Variants in GFRA2 observed in about 807,000 individuals in gnomAD.
GFRA2 encodes GDNF family receptor alpha 2.
In GFRA2, 17 loss-of-function variants were observed where a neutral mutation model predicts 48.3. The observed-to-expected ratio is 0.35, with a 90% CI of 0.24 to 0.53. GFRA2 has a LOEUF of 0.53. Ranked by LOEUF, GFRA2 falls within the 20% of genes least tolerant of loss-of-function variation. The probability of loss-of-function intolerance (pLI) is 0.93; values close to 1 mark genes in which losing one functional copy is unlikely to be tolerated. For synonymous variants in GFRA2, 305 were observed against 257.2 expected (o/e 1.19, Z -1.78); for missense variants, 660 against 637.3 (o/e 1.04, Z -0.38).
chr8:21,754,988 T>A (rs978706388), intron 3 of GFRA2, among the ~76,000 whole-genome samples: 3 of 152,076 alleles, frequency 2.0e-5, no homozygotes, highest in African/African-American at 7.2e-5. Flanking sequence ...TCACACCCTA[T>A]GATTGTAAAG....
At chr8:21,713,645 G>A (rs1013945031) in intron 4 of GFRA2, among the ~76,000 whole-genome samples, 7 of 152,046 alleles carry the variant, frequency 4.6e-5, no homozygotes, top group African/African-American at 7.2e-5. Flanking sequence ...CTCAAAGTGT[G>A]GTCCGCAGAC....
At chr8:21,735,231 G>A (rs770405439) in intron 4 of GFRA2, among the ~76,000 whole-genome samples, 2 of 152,140 alleles carry the variant, frequency 1.3e-5, no homozygotes, top group South Asian at 4.1e-4. Flanking sequence ...GGTTCACAAA[G>A]GTGAAGTCTT....
upstream of GFRA2, chr8:21,790,198 G>A (rs4872208): frequency 0.15 from 91,595 of 621,590 alleles, 7,322 homozygotes; most frequent in South Asian, 0.23. Flanking sequence ...AGAGGCGCGG[G>A]GTCGCGGTCG....
At chr8:21,795,144 T>C (rs966378193) in intron 2 of GFRA2, among the ~76,000 whole-genome samples, 12 of 152,064 alleles carry the variant, frequency 7.9e-5, no homozygotes, top group Admixed American at 7.9e-4. Flanking sequence ...GCAGCTCCCA[T>C]GGGGGTTGGA....
At chr8:21,759,360 T>C (rs1487700059) in intron 3 of GFRA2, among the ~76,000 whole-genome samples, 1 of 145,456 alleles carries the variant, frequency 6.9e-6, no homozygotes, top group Non-Finnish European at 1.5e-5. Context: ...CACTCCAACC[T>C]GGGCGACAGA....
chr8:21,788,846 C>T lies in GFRA2; in HGVS notation c.-687G>A, dbSNP rs1807420667. The T allele has an allele frequency of 2.1e-6, 2 of 967,458 alleles. No individual in the cohort carries two copies. Among genetic ancestry groups the T allele is most frequent in the Admixed American group, 1.2e-4 (2 of 16,254 alleles). 59.9% of individuals were successfully genotyped at this position (967,458 alleles called of 1,614,324 possible). A position where few individuals can be genotyped will look rare whatever the true frequency, so the allele number is the denominator to read the frequency against. On this transcript the variant is annotated 5_prime_UTR_variant, in exon 1 of 9. Coordinates refer to ENST00000524240, the MANE Select transcript of GFRA2 (RefSeq NM_001495.5). Reference sequence around the variant, plus strand: ...CTCTCTCTCTCTCCTCTCCCTCGCTCGCTCTTTGCTCTCGCTCTCTCCAGC... The same window carrying T: ...CTCTCTCTCTCTCCTCTCCCTCGCTTGCTCTTTGCTCTCGCTCTCTCCAGC...
In GFRA2 at chr8:21,715,893, A is replaced by G. The variant is rs142782421; in HGVS notation, c.795-9852T>C. ...AAGAAAAGCAAGGGAGAGAGAGAGA[A>G]CGAGAGAGAGAGAGACCAAGACCTA... On this transcript the variant is annotated intron_variant, in intron 4 of 8. Coordinates refer to ENST00000524240, the MANE Select transcript of GFRA2 (RefSeq NM_001495.5). Among the ~76,000 whole-genome samples the G allele has an allele frequency of 1.8e-3, 278 of 152,234 alleles. 2 individuals are homozygous for G. The highest frequency in any genetic ancestry group is 0.014 in the Middle Eastern group (4 of 294).
chr8:21,783,924 C>G (rs1044871088), intron 1 of GFRA2, among the ~76,000 whole-genome samples: 7 of 152,066 alleles, frequency 4.6e-5, no homozygotes, highest in Non-Finnish European at 8.8e-5. Flanking sequence ...CAGCTCCTCT[C>G]TTTCTTTCCT....
At chr8:21,757,975 T>C (rs1432819876) in intron 3 of GFRA2, among the ~76,000 whole-genome samples, 1 of 152,154 alleles carries the variant, frequency 6.6e-6, no homozygotes, top group African/African-American at 2.4e-5. Flanking sequence ...CGGCCCCATC[T>C]CCCATTCTAG....
intron 2 of GFRA2, 75 bp from the exon 3 acceptor site, chr8:21,775,130 A>AGGAAAGCTCTCTACCAGG (rs1585328154): frequency 1.3e-6 from 1 of 768,772 alleles, no homozygotes; most frequent in Admixed American, 1.8e-5. Flanking sequence ...AATCTGCCGG[A>AGGAAAGCTCTCTACCAGG]GGAAAGCTCT....
chr8:21,790,461 T>C (rs1585348264), upstream of GFRA2, among the ~76,000 whole-genome samples: 1 of 150,880 alleles, frequency 6.6e-6, no homozygotes, highest in Non-Finnish European at 1.5e-5. Flanking sequence ...AAGGGAGGGG[T>C]CACTAACAAA....
intron 3 of GFRA2, among the ~76,000 whole-genome samples, chr8:21,752,559 T>C (rs990541265): frequency 6.6e-6 from 1 of 152,074 alleles, no homozygotes; most frequent in Non-Finnish European, 1.5e-5. Flanking sequence ...CTGGGACTCA[T>C]CTCATGGCCT....
chr8:21,787,539 G>A (rs1409614741), intron 1 of GFRA2, among the ~76,000 whole-genome samples: 1 of 152,168 alleles, frequency 6.6e-6, no homozygotes, highest in African/African-American at 2.4e-5. Flanking sequence ...CGCCGGTTAG[G>A]GGCTCAGGGC....
chr8:21,787,460 G>A (rs1807339684), intron 1 of GFRA2, among the ~76,000 whole-genome samples: 2 of 152,174 alleles, frequency 1.3e-5, no homozygotes, highest in South Asian at 4.1e-4. Flanking sequence ...ACAACCCTCC[G>A]CTCCCGCCCA....
At chr8:21,713,187 C>CTGTTTTGTTT (rs534429679) in intron 4 of GFRA2, among the ~76,000 whole-genome samples, 6 of 151,934 alleles carry the variant, frequency 3.9e-5, no homozygotes, top group African/African-American at 9.7e-5. Flanking sequence ...CTGTTTTGTT[C>CTGTTTTGTTT]TGTTTTGTTT....
chr8:21,784,945 C>T (rs1214875297), intron 1 of GFRA2, among the ~76,000 whole-genome samples: 2 of 152,292 alleles, frequency 1.3e-5, no homozygotes, highest in African/African-American at 4.8e-5. Context: ...CACGGCCCCG[C>T]CTGTACCTGC....
In GFRA2 at chr8:21,691,225, T is replaced by C; in HGVS notation, c.*2053A>G. The C allele has an allele frequency of 6.6e-6, 1 of 152,330 alleles. No homozygotes were observed. The highest frequency in any genetic ancestry group is 1.5e-5 in the Non-Finnish European group (1 of 68,062). 9.4% of individuals were successfully genotyped at this position (152,330 alleles called of 1,614,324 possible). The stretch of plus-strand genomic sequence containing the variant: ...TCGCCTACCAGTCTTCCATTCTCCC[T>C]CCTGCCATGGGTATATATTCACACG... On this transcript the variant is annotated 3_prime_UTR_variant, in exon 9 of 9. Coordinates refer to ENST00000524240, the MANE Select transcript of GFRA2 (RefSeq NM_001495.5).
At chr8:21,727,539 C>A (rs1803934631) in intron 4 of GFRA2, among the ~76,000 whole-genome samples, 1 of 151,854 alleles carries the variant, frequency 6.6e-6, no homozygotes, top group African/African-American at 2.4e-5. Flanking sequence ...CCCATCACGG[C>A]CCCCCCCAGG....
intron 4 of GFRA2, among the ~76,000 whole-genome samples, chr8:21,738,105 A>G (rs1804563131): frequency 6.6e-6 from 1 of 150,474 alleles, no homozygotes; most frequent in African/African-American, 2.4e-5. Context: ...AAACCCAAAC[A>G]TTGTCCCTCC....
Sources: allele counts gnomAD v4.1 joint callset (sites outside exome capture counted in the v4.1 genomes callset), GRCh38; gene constraint gnomAD v4.1.1; transcripts MANE v1.5; gene names NCBI Gene and HGNC (gene_info 2026-07-23, HGNC 2026-07-21).